The following EPC1 variants were observed in gnomAD, a reference collection of about 807,000 sequenced individuals.
EPC1 encodes the protein enhancer of polycomb homolog 1.
In EPC1, 12 loss-of-function variants were observed where a neutral mutation model predicts 98.4. The ratio of observed to expected loss-of-function variants is 0.12; its 90% CI spans 0.08 to 0.20. The LOEUF is 0.20. Among genes scored for constraint, EPC1 ranks in the 10% least tolerant of loss-of-function variants. EPC1 has a pLI of 1.00. For synonymous variants in EPC1, 357 were observed against 363.9 expected (o/e 0.98, Z 0.21); for missense variants, 729 against 990.5 (o/e 0.74, Z 3.54).
At chr10:32,276,893 G>A (rs576273343) in intron 10 of EPC1, among the ~76,000 whole-genome samples, 1 of 152,268 alleles carries the variant, frequency 6.6e-6, no homozygotes, top group South Asian at 2.1e-4. Context: ...CCACAAAGGT[G>A]GACAAGATGG....
chr10:32,337,342 T>C (rs1359734555), intron 1 of EPC1, among the ~76,000 whole-genome samples: 1 of 152,206 alleles, frequency 6.6e-6, no homozygotes, highest in Non-Finnish European at 1.5e-5. Context: ...TCCCAAACTG[T>C]TCTTTCTTTC....
At chr10:32,278,209 T>A (rs1836200463) in intron 10 of EPC1, among the ~76,000 whole-genome samples, 1 of 150,290 alleles carries the variant, frequency 6.7e-6, no homozygotes, top group Admixed American at 6.7e-5. Context: ...CCAGGCTAAT[T>A]TTTGTATTTT....
At chr10:32,374,131 C>T (rs988663985) in intron 1 of EPC1, among the ~76,000 whole-genome samples, 7 of 151,958 alleles carry the variant, frequency 4.6e-5, no homozygotes, top group Non-Finnish European at 8.8e-5. Flanking sequence ...AACTAATTAA[C>T]CATTAGCTAA....
intron 1 of EPC1, among the ~76,000 whole-genome samples, chr10:32,312,734 G>A (rs1836317617): frequency 6.6e-6 from 1 of 152,098 alleles, no homozygotes; most frequent in African/African-American, 2.4e-5. Flanking sequence ...ACACATACAT[G>A]TGCACGCACA....
upstream of EPC1, among the ~76,000 whole-genome samples, chr10:32,348,106 C>G: frequency 6.6e-6 from 1 of 152,212 alleles, no homozygotes. Flanking sequence ...TTCACACTTT[C>G]ATCATTTGTC....
intron 1 of EPC1, among the ~76,000 whole-genome samples, chr10:32,319,728 G>A (rs1370701821): frequency 6.6e-6 from 1 of 152,166 alleles, no homozygotes; most frequent in Admixed American, 6.5e-5. Context: ...TGGGCTGGAA[G>A]TGCAGTGGCG....
chr10:32,292,284 G>A, intron 5 of EPC1: 1 of 315,542 alleles, frequency 3.2e-6, no homozygotes, highest in Non-Finnish European at 5.6e-6. Context: ...GAAATACTTG[G>A]TATGTTTTAA....
At position 32,362,653 on chromosome 10, in the gene EPC1, C is replaced by T. The variant is rs376937794; in HGVS notation, c.3+15838G>A. ...TAAATTACGCAGTCTCAGGTATTTA[C>T]GGCAATGCAAGAACAAACTAATACA... On this transcript the variant is annotated intron_variant, in intron 1 of 13. Coordinates refer to the EPC1 transcript ENST00000375110. Among the ~76,000 whole-genome samples, 7 of 152,260 alleles carry T rather than the reference C, an allele frequency of 4.6e-5. No individual in the cohort carries two copies. The East Asian group carries it at 9.7e-4, about 21-fold the overall frequency.
At chr10:32,322,926 G>A (rs1182859735) in intron 1 of EPC1, among the ~76,000 whole-genome samples, 1 of 152,010 alleles carries the variant, frequency 6.6e-6, no homozygotes, top group African/African-American at 2.4e-5. Context: ...GCACAATAAA[G>A]AGACCATTTT....
intron 1 of EPC1, among the ~76,000 whole-genome samples, chr10:32,315,452 A>T (rs3949842): frequency 3.3e-5 from 5 of 152,354 alleles, no homozygotes; most frequent in Admixed American, 1.3e-4. Context: ...CTTAGACATA[A>T]CAATTAAGGC....
intron 1 of EPC1, among the ~76,000 whole-genome samples, chr10:32,310,859 G>C (rs146925863): frequency 6.6e-6 from 1 of 152,088 alleles, no homozygotes; most frequent in African/African-American, 2.4e-5. Flanking sequence ...GGGCAACAGA[G>C]CAAGACTCTG....
Position 32,347,152 on chromosome 10 carries a change from C to T in EPC1, c.-237G>A. 1 of 1,404,916 alleles carries T rather than the reference C, an allele frequency of 7.1e-7. No individual in the cohort carries two copies. The highest frequency in any genetic ancestry group is 9.2e-7 in the Non-Finnish European group (1 of 1,083,178). The allele number at this position is 1,404,916 out of a possible 1,614,324, so 87.0% of individuals were successfully genotyped here. On this transcript the variant is annotated 5_prime_UTR_variant, in exon 1 of 14. Coordinates refer to ENST00000319778, the MANE Select transcript of EPC1 (RefSeq NM_001272004.3). ...GGCCAACATGGCGGACATTAAAACT[C>T]CACTGTGCGCTCTTCAGCCAACCCC...
intron 3 of EPC1, 133 bp from the exon 4 acceptor site, chr10:32,293,327 T>C (rs1443048058): frequency 1.3e-5 from 10 of 775,040 alleles, no homozygotes; most frequent in Admixed American, 5.9e-5. Flanking sequence ...GAGTACATTA[T>C]GCCTGTCAGT....
chr10:32,345,960 C>T (rs1181703609), intron 1 of EPC1, among the ~76,000 whole-genome samples: 3 of 152,162 alleles, frequency 2.0e-5, no homozygotes, highest in African/African-American at 7.2e-5. Flanking sequence ...GAGAGAGGTA[C>T]TCCAAACAAA....
upstream of EPC1, chr10:32,347,159 G>A (rs1378249282): frequency 1.4e-6 from 2 of 1,388,254 alleles, no homozygotes; most frequent in African/African-American, 1.5e-5. Flanking sequence ...ACTCCACTGT[G>A]CGCTCTTCAG....
At chr10:32,318,926 T>C (rs1409256239) in intron 1 of EPC1, among the ~76,000 whole-genome samples, 3 of 152,160 alleles carry the variant, frequency 2.0e-5, no homozygotes, top group Non-Finnish European at 4.4e-5. Context: ...AAATTCAAAC[T>C]TGCCTTGGGA....
chr10:32,311,739 G>A (rs73245697), intron 1 of EPC1, among the ~76,000 whole-genome samples: 5,028 of 152,016 alleles, frequency 0.033, 274 homozygotes, highest in African/African-American at 0.11. Flanking sequence ...CTTAATTTAC[G>A]AATTAGGCAC....
intron 1 of EPC1, among the ~76,000 whole-genome samples, chr10:32,317,029 A>G (rs1270838414): frequency 6.6e-6 from 1 of 152,232 alleles, no homozygotes; most frequent in Non-Finnish European, 1.5e-5. Flanking sequence ...TAAAACTTTT[A>G]CTGAATGTTT....
chr10:32,358,398 C>G (rs2133096431), intron 1 of EPC1, among the ~76,000 whole-genome samples: 1 of 152,130 alleles, frequency 6.6e-6, no homozygotes, highest in East Asian at 1.9e-4. Flanking sequence ...AAACCCAGCA[C>G]TTTTCAAGGC....
Sources: gnomAD v4.1 joint callset for allele counts (sites outside exome capture counted in the v4.1 genomes callset) on GRCh38, gnomAD v4.1.1 for gene constraint, MANE v1.5 for transcripts, NCBI Gene and HGNC (gene_info 2026-07-23, HGNC 2026-07-21) for gene names.